The following MUC17 variants were observed in gnomAD, a reference collection of about 807,000 sequenced individuals.
MUC17 encodes mucin 17, cell surface associated.
Under a neutral mutation model 170.3 loss-of-function variants are expected in MUC17, and 190 were observed. The observed-to-expected ratio is 1.12, with a 90% confidence interval of 0.99 to 1.26. The LOEUF is 1.26. Among genes scored for constraint, MUC17 ranks in the 50% most tolerant of loss-of-function variants. The pLI is 0.00. For synonymous variants in MUC17, 2,325 were observed against 2,002.5 expected, an observed-to-expected ratio of 1.16 and a Z score of -4.30; for missense variants, 6,415 against 5,530.0, an observed-to-expected ratio of 1.16 and a Z score of -5.08.
In MUC17 at chr7:101,040,391, T is replaced by C. The variant is rs766931292; in HGVS notation, c.8975T>C (p.Met2992Thr). The change falls in exon 3 of 13, where the codon ATG becomes ACG. Residue 2992 changes from methionine to threonine, a missense_variant. By Grantham distance (81) the Met-to-Thr change is moderately conservative. Transcript: ENST00000306151. ...GAAAGAAGAACTCCATTAACAAGTA[T>C]GTCTGTCAGCACCATGCCGGTGGCC... is the stretch of plus-strand genomic sequence containing the variant. Reference protein sequence around the residue: ...PGERRTPLTSMSVSTMPVASS... With the variant: ...PGERRTPLTSTSVSTMPVASS... The C allele has an allele frequency of 2.5e-6, 4 of 1,612,494 alleles. No homozygotes were observed. In the East Asian group the frequency reaches 6.7e-5, roughly 27 times the overall value.
chr7:101,043,383 G>C lies in MUC17; in HGVS notation c.11967G>C (p.Lys3989Asn), dbSNP rs775438458. 6.2e-7 allele frequency: 1 copy of C among 1,614,108 alleles called. No individual in the cohort carries two copies. The highest frequency in any genetic ancestry group is 8.5e-7 in the Non-Finnish European group (1 of 1,180,020). ...CCACCACATCTTTTTCAACTACTAAGGAATTTACAACACCCGCAATGACTA... is the reference window on the plus strand; with the variant it reads ...CCACCACATCTTTTTCAACTACTAACGAATTTACAACACCCGCAATGACTA... Reference protein sequence around the residue: ...SSTTTSFSTTKEFTTPAMTTA... With the variant: ...SSTTTSFSTTNEFTTPAMTTA... The change falls in exon 3 of 13, where the codon AAG (lysine) becomes AAC (asparagine). Residue 3989 changes from lysine (K) to asparagine (N), a missense_variant. Lys to Asn is a moderately conservative substitution (Grantham distance 94). Transcript: ENST00000306151.
Position 101,043,481 on chromosome 7 carries a change from C to CT in MUC17, c.12066dup (p.Thr4023TyrfsTer65). ...CCCAGAACAACCAGCAGAGGCTGCACTACTTCTGCATCAACGCTTTCTGCA... is the reference window on the plus strand; with the variant it reads ...CCCAGAACAACCAGCAGAGGCTGCACTTACTTCTGCATCAACGCTTTCTGCA... On this transcript the variant is annotated frameshift_variant, in exon 3 of 13. Coordinates refer to ENST00000306151, the MANE Select transcript of MUC17 (RefSeq NM_001040105.2). LOFTEE classifies it high-confidence loss of function. The CT allele has an allele frequency of 6.2e-7, 1 of 1,614,248 alleles. No homozygotes were observed.
rs551857213 is a variant in MUC17 at position 101,041,078 on chromosome 7, T to C, written c.9662T>C (p.Met3221Thr). ...SIPTSTPSEG[M>T]TPLTSVPVSN... ...CCAACCTCAACTCCTAGTGAAGGAA[T>C]GACTCCATTAACTAGTGTACCTGTC... The change falls in exon 3 of 13, where the codon ATG (methionine) becomes ACG (threonine). Residue 3221 changes from methionine to threonine, a missense_variant. Coordinates refer to ENST00000306151, the MANE Select transcript of MUC17 (RefSeq NM_001040105.2). The C allele has an allele frequency of 1.4e-4, 223 of 1,612,138 alleles. 1 individual carries two copies. The South Asian group carries it at 2.4e-3, about 17-fold the overall frequency.
Position 101,058,128 on chromosome 7 carries a change from T to C in MUC17, c.*84T>C, listed in dbSNP as rs1795081076. 1 of 1,255,590 alleles carries C rather than the reference T, an allele frequency of 8.0e-7. No homozygotes were observed. Among genetic ancestry groups the C allele is most frequent in the Non-Finnish European group, 1.2e-6 (1 of 856,858 alleles). The allele number at this position is 1,255,590 out of a possible 1,614,324, so 77.8% of individuals were successfully genotyped here. On this transcript the variant is annotated 3_prime_UTR_variant, in exon 13 of 13. Transcript: ENST00000306151. The stretch of plus-strand genomic sequence containing the variant: ...GCATTTTCCCATTGAGAGCCTTCCA[T>C]GGGAACTCAATGTTCCCATTGTAAG...
At position 101,050,554 on chromosome 7, in the gene MUC17, T is replaced by C. The variant is rs766534971; in HGVS notation, c.12793T>C (p.Leu4265=). 2.2e-5 allele frequency: 35 copies of C among 1,614,182 alleles called. No homozygotes were observed. Among genetic ancestry groups the C allele is most frequent in the Non-Finnish European group, 3.0e-5 (35 of 1,180,030 alleles). The change falls in exon 7 of 13, where the codon TTG becomes CTG. Residue 4265 remains leucine, a synonymous_variant. Transcript: ENST00000306151. ...TKYTPEYKTV[L]DNATEVVKEK... The stretch of plus-strand genomic sequence containing the variant: ...GTACACACCAGAATACAAGACAGTA[T>C]TGGACAATGCCACCGAAGTAGTGAA...
chr7:101,030,977 C>T, intron 1 of MUC17, 143 bp from the exon 2 acceptor site: 1 of 1,029,554 alleles, frequency 9.7e-7, no homozygotes, highest in Non-Finnish European at 1.4e-6. Flanking sequence ...GGGCAGGGTC[C>T]TGATGGCTGA....
Position 101,042,637 on chromosome 7 carries a change from A to G in MUC17, c.11221A>G (p.Thr3741Ala). The G allele has an allele frequency of 6.2e-7, 1 of 1,614,050 alleles. No homozygotes were observed. The highest frequency in any genetic ancestry group is 2.2e-5 in the East Asian group (1 of 44,888). Residue 3741 changes from threonine (T) to alanine (A), a missense_variant, in exon 3 of 13, where the codon ACC (threonine) becomes GCC (alanine). Physicochemically the swap from Thr to Ala is moderately conservative, Grantham distance 58. Transcript: ENST00000306151. ...AISSSATLDS[T>A]TMSVSMPMEI... ...TTCATCTTCTGCAACTCTTGACAGCACCACCATGTCTGTGTCAATGCCCAT... is the reference window on the plus strand; with the variant it reads ...TTCATCTTCTGCAACTCTTGACAGCGCCACCATGTCTGTGTCAATGCCCAT...
rs753245932 is a variant in MUC17, at chr7:101,036,989, C to A, written c.5573C>A (p.Ala1858Glu). The change falls in exon 3 of 13, where the codon GCA becomes GAA. Residue 1858 changes from alanine to glutamate, a missense_variant. Transcript: ENST00000306151. ...ACACCTGCTGAAGGTACCAGCATAG[C>A]AACCTCAACGCCTAGTGAAGGAAGC... ...SPTPAEGTSI[A>E]TSTPSEGSTA... 24 of 1,584,080 alleles carry A rather than the reference C, an allele frequency of 1.5e-5. 1 individual carries two copies. In the South Asian group the frequency reaches 2.8e-4, roughly 19 times the overall value.
chr7:101,053,220 A>T (rs547994745), intron 10 of MUC17, 73 bp downstream of exon 10: 1 of 1,588,282 alleles, frequency 6.3e-7, no homozygotes, highest in Admixed American at 1.7e-5. Context: ...CTCTGTCTCT[A>T]ATCACTTCAT....
intron 7 of MUC17, 65 bp downstream of exon 7, chr7:101,050,700 T>C: frequency 3.2e-6 from 5 of 1,565,066 alleles, no homozygotes; most frequent in Non-Finnish European, 4.3e-6. Context: ...ACTTTCTTAA[T>C]AGACAGGAGG....
In MUC17 at chr7:101,037,266, T is replaced by G; in HGVS notation, c.5850T>G (p.Leu1950=). 2.5e-6 allele frequency: 4 copies of G among 1,611,490 alleles called. No individual in the cohort carries two copies. Among genetic ancestry groups the G allele is most frequent in the Non-Finnish European group, 3.4e-6 (4 of 1,178,500 alleles). Residue 1950 remains leucine (L), a synonymous_variant, in exon 3 of 13, where the codon CTT becomes CTG. Transcript: ENST00000306151. ...AAATCAACACCCTTTCAACAACTCT[T>G]GCTGACACCAGGACACCTGTGACCA... is the stretch of plus-strand genomic sequence containing the variant. ...SSEINTLSTT[L]ADTRTPVTTY... is the part of the protein sequence containing the mutation.
chr7:101,041,347 C>T lies in MUC17; in HGVS notation c.9931C>T (p.Pro3311Ser). ...AACAACTCCTGCTGACACCAGCACACCTGTGACCACTTATTCTCAAGCCAG... is the reference window on the plus strand; with the variant it reads ...AACAACTCCTGCTGACACCAGCACATCTGTGACCACTTATTCTCAAGCCAG... Reference protein sequence around the residue: ...LSTTPADTSTPVTTYSQASSS... With the variant: ...LSTTPADTSTSVTTYSQASSS... Residue 3311 changes from proline to serine, a missense_variant, in exon 3 of 13, where the codon CCT (proline) becomes TCT (serine). Physicochemically the swap from Pro to Ser is moderately conservative, Grantham distance 74 (BLOSUM62 -1). Transcript: ENST00000306151. 5 of 1,611,094 alleles carry T rather than the reference C, an allele frequency of 3.1e-6. No homozygotes were observed. Among genetic ancestry groups the T allele is most frequent in the South Asian group, 1.1e-5 (1 of 90,844 alleles).
Position 101,043,009 on chromosome 7 carries a change from C to A in MUC17, c.11593C>A (p.Arg3865Ser), listed in dbSNP as rs376404588. Reference protein sequence around the residue: ...FSIPAEVTTIRISITSERSTP... With the variant: ...FSIPAEVTTISISITSERSTP... The stretch of plus-strand genomic sequence containing the variant: ...CATACCTGCTGAAGTCACTACCATA[C>A]GTATTTCAATTACCAGTGAAAGAAG... Residue 3865 changes from arginine to serine, a missense_variant, in exon 3 of 13, where the codon CGT (arginine) becomes AGT (serine). Arg to Ser is a moderately radical substitution (Grantham distance 110). Coordinates refer to ENST00000306151, the MANE Select transcript of MUC17 (RefSeq NM_001040105.2). 42 of 1,614,008 alleles carry A rather than the reference C, an allele frequency of 2.6e-5. No individual in the cohort carries two copies. The African/African-American group carries it at 5.1e-4, about 19-fold the overall frequency.
intron 4 of MUC17, 38 bp downstream of exon 4, chr7:101,048,153 TGGG>T (rs1487530081): frequency 6.6e-7 from 1 of 1,516,188 alleles, no homozygotes; most frequent in African/African-American, 1.4e-5. Context: ...CCCCATGCCC[TGGG>T]ACCCGACCTC....
intron 11 of MUC17, 198 bp downstream of exon 11, chr7:101,053,634 A>C: frequency 1.3e-5 from 6 of 456,076 alleles, no homozygotes; most frequent in Non-Finnish European, 2.0e-5. Context: ...AAAAATAAAA[A>C]AGGGAGGCTG....
At position 101,042,685 on chromosome 7, in the gene MUC17, A is replaced by T; in HGVS notation, c.11269A>T (p.Thr3757Ser). 1 of 1,613,890 alleles carries T rather than the reference A, an allele frequency of 6.2e-7. No homozygotes were observed. The highest frequency in any genetic ancestry group is 2.2e-5 in the East Asian group (1 of 44,882). Residue 3757 changes from threonine to serine, a missense_variant, in exon 3 of 13, where the codon ACT (threonine) becomes TCT (serine). Physicochemically the swap from Thr to Ser is moderately conservative, Grantham distance 58 (BLOSUM62 1). Transcript: ENST00000306151. ...CATGGAAATAAGCACCCTTGGGACC[A>T]CTATTCTTGTCAGTACCACACCTGT... is the stretch of plus-strand genomic sequence containing the variant. ...MPMEISTLGT[T>S]ILVSTTPVTR...
intron 1 of MUC17, among the ~76,000 whole-genome samples, chr7:101,024,804 G>A (rs1323526106): frequency 1.6e-4 from 23 of 141,832 alleles, no homozygotes; most frequent in East Asian, 2.0e-4. Context: ...GTGCTGTAGC[G>A]TGATGTCAGC....
At chr7:101,020,835 C>A (rs540348300) in intron 1 of MUC17, among the ~76,000 whole-genome samples, 2 of 152,174 alleles carry the variant, frequency 1.3e-5, no homozygotes, top group Non-Finnish European at 2.9e-5. Flanking sequence ...CCAGCTCAGC[C>A]GCTTTGGGCT....
chr7:101,025,586 G>A (rs868061543), intron 1 of MUC17, among the ~76,000 whole-genome samples: 1 of 152,112 alleles, frequency 6.6e-6, no homozygotes, highest in African/African-American at 2.4e-5. Flanking sequence ...GAGGTCAGGA[G>A]TTCGAGACCA....
Sources: allele counts gnomAD v4.1 joint callset (sites outside exome capture counted in the v4.1 genomes callset), GRCh38; gene constraint gnomAD v4.1.1; transcripts MANE v1.5; gene names NCBI Gene and HGNC (gene_info 2026-07-23, HGNC 2026-07-21).